NUP62CL: variants seen among roughly 807,000 people sequenced by gnomAD.
NUP62CL encodes the protein nucleoporin-62 C-terminal-like protein.
A neutral mutation model predicts 15.3 loss-of-function variants in NUP62CL; 13 were observed. The observed-to-expected ratio is 0.85, with a 90% CI of 0.55 to 1.35. The LOEUF is 1.35. Among genes scored for constraint, NUP62CL ranks in the 40% most tolerant of loss-of-function variants. The pLI is 0.00. For synonymous variants in NUP62CL, 54 were observed against 49.2 expected, an observed-to-expected ratio of 1.10 and a Z score of -0.41; for missense variants, 123 against 130.6, an observed-to-expected ratio of 0.94 and a Z score of 0.28.
At chrX:107,179,640 G>C (rs1926868506) in intron 2 of NUP62CL, among the ~76,000 whole-genome samples, 1 of 112,063 alleles carries the variant, frequency 8.9e-6, no homozygotes. Flanking sequence ...CATTGAGGTT[G>C]ATTTCATGAC....
intron 1 of NUP62CL, among the ~76,000 whole-genome samples, chrX:107,194,490 T>A (rs1224010737): frequency 9.0e-6 from 1 of 111,535 alleles, no homozygotes; most frequent in Non-Finnish European, 1.9e-5. Flanking sequence ...TCTATCCCAG[T>A]CAAAATTAAT....
intron 8 of NUP62CL, 100 bp downstream of exon 8, chrX:107,147,643 A>G: frequency 1.8e-6 from 1 of 542,763 alleles, no homozygotes; most frequent in Non-Finnish European, 3.3e-6. Context: ...CACCCATACA[A>G]CAGCTTTTAT....
At position 107,163,468 on chromosome X, in the gene NUP62CL, CAACA is replaced by C. The variant is rs755941280; in HGVS notation, c.194+4177_194+4180del. ...GAAAGAGAAGAACAAAAATCAGAGG[CAACA>C]AACAAATAAAATGGCAGATTTAAGC... On this transcript the variant is annotated intron_variant, in intron 4 of 8. Coordinates refer to ENST00000372466, the MANE Select transcript of NUP62CL (RefSeq NM_017681.3). Among the ~76,000 whole-genome samples, 342 of 111,414 alleles carry C rather than the reference CAACA, an allele frequency of 3.1e-3. 2 individuals carry two copies. The highest frequency in any genetic ancestry group is 0.011 in the African/African-American group (327 of 30,723).
intron 2 of NUP62CL, among the ~76,000 whole-genome samples, chrX:107,183,663 CA>C (rs1569364306): frequency 1.8e-5 from 2 of 110,586 alleles, no homozygotes; most frequent in Admixed American, 9.6e-5. Context: ...AAAGCCCTAA[CA>C]AAAAAGTCTG....
intron 3 of NUP62CL, among the ~76,000 whole-genome samples, chrX:107,173,677 T>C (rs1309058870): frequency 8.9e-6 from 1 of 111,977 alleles, no homozygotes; most frequent in Non-Finnish European, 1.9e-5. Context: ...AGAATCATAG[T>C]CATGTCTCAA....
At chrX:107,137,467 A>G (rs1925667996) in intron 8 of NUP62CL, among the ~76,000 whole-genome samples, 1 of 111,872 alleles carries the variant, frequency 8.9e-6, no homozygotes, top group Admixed American at 9.5e-5. Flanking sequence ...TGCAGATGAC[A>G]TAACTGTCTA....
At chrX:107,196,403 C>G (rs994534928) in intron 1 of NUP62CL, among the ~76,000 whole-genome samples, 5 of 111,001 alleles carry the variant, frequency 4.5e-5, no homozygotes, top group Non-Finnish European at 9.4e-5. Context: ...CCTATAATCC[C>G]ATTGCTTTTT....
chrX:107,193,473 G>A (rs1325329104), intron 1 of NUP62CL, among the ~76,000 whole-genome samples: 1 of 112,058 alleles, frequency 8.9e-6, no homozygotes, highest in Non-Finnish European at 1.9e-5. Flanking sequence ...ACATCTACAG[G>A]AGGATGGAAA....
chrX:107,190,484 T>C (rs939767458), intron 2 of NUP62CL, among the ~76,000 whole-genome samples: 1 of 112,238 alleles, frequency 8.9e-6, no homozygotes, highest in African/African-American at 3.2e-5. Flanking sequence ...AGTTTGTTGC[T>C]TTTTCCAAAA....
At chrX:107,195,972 T>C (rs1293742719) in intron 1 of NUP62CL, among the ~76,000 whole-genome samples, 3 of 111,679 alleles carry the variant, frequency 2.7e-5, no homozygotes, top group Admixed American at 9.5e-5. Context: ...TGGGTGTTTA[T>C]CCTGTAAAAG....
intron 8 of NUP62CL, among the ~76,000 whole-genome samples, chrX:107,135,981 A>C (rs944433460): frequency 9.0e-6 from 1 of 110,731 alleles, no homozygotes; most frequent in Admixed American, 9.7e-5. Flanking sequence ...ACTTATTAAA[A>C]AGAAGGAGAG....
At chrX:107,135,296 G>C (rs1029999486) in intron 8 of NUP62CL, among the ~76,000 whole-genome samples, 1 of 112,003 alleles carries the variant, frequency 8.9e-6, no homozygotes, top group African/African-American at 3.2e-5. Flanking sequence ...AAAGAAAAAA[G>C]AAAATAACAA....
chrX:107,153,356 C>CAA, intron 6 of NUP62CL, 50 bp from the exon 7 acceptor site: 1 of 1,116,095 alleles, frequency 9.0e-7, no homozygotes, highest in Non-Finnish European at 1.2e-6. Flanking sequence ...TTTGGAGTGA[C>CAA]AAAAAGAAAA....
intron 4 of NUP62CL, among the ~76,000 whole-genome samples, chrX:107,155,358 A>C (rs1244723825): frequency 8.9e-6 from 1 of 112,388 alleles, no homozygotes; most frequent in Non-Finnish European, 1.9e-5. Flanking sequence ...CAGGAAGCTG[A>C]AATTCTGCCT....
chrX:107,138,390 G>A (rs931989055), intron 8 of NUP62CL, among the ~76,000 whole-genome samples: 6 of 111,756 alleles, frequency 5.4e-5, no homozygotes, highest in East Asian at 2.8e-4. Context: ...TACAGACTGC[G>A]AGAAAATATT....
intron 3 of NUP62CL, among the ~76,000 whole-genome samples, chrX:107,171,314 C>T (rs1452762339): frequency 9.0e-6 from 1 of 111,372 alleles, no homozygotes; most frequent in Non-Finnish European, 1.9e-5. Flanking sequence ...TGAGACATAC[C>T]TAATGGGGAG....
rs771723376 is a variant in NUP62CL, at chrX:107,128,352, A to G, written c.*43-4020T>C. On this transcript the variant is annotated intron_variant, in intron 8 of 8. Transcript: ENST00000372466. ...AACATGGAAAGATGGTCATGTGCAC[A>G]TGTCTGTTAGCTTTGTATCTCTTTC... Among the ~76,000 whole-genome samples the G allele has an allele frequency of 2.7e-5, 3 of 112,259 alleles. No individual in the cohort carries two copies. The Admixed American group carries it at 2.8e-4, about 11-fold the overall frequency.
intron 8 of NUP62CL, among the ~76,000 whole-genome samples, chrX:107,141,101 G>A (rs896953205): frequency 8.9e-5 from 10 of 112,527 alleles, no homozygotes; most frequent in Non-Finnish European, 1.9e-4. Context: ...GGATTAGTGA[G>A]AAATCTAATT....
chrX:107,192,247 C>T (rs1927261639), intron 2 of NUP62CL, among the ~76,000 whole-genome samples: 2 of 112,300 alleles, frequency 1.8e-5, no homozygotes, highest in Non-Finnish European at 3.8e-5. Flanking sequence ...ATTTCCAAAA[C>T]TCAGTGAGTA....
Sources: allele counts gnomAD v4.1 joint callset (sites outside exome capture counted in the v4.1 genomes callset), GRCh38; gene constraint gnomAD v4.1.1; transcripts MANE v1.5; gene names NCBI Gene and HGNC (gene_info 2026-07-23, HGNC 2026-07-21).